The following TBC1D14 variants were observed in gnomAD, a reference collection of about 807,000 sequenced individuals.
TBC1D14 encodes the protein TBC1 domain family member 14.
In TBC1D14, 26 loss-of-function variants were observed where a neutral mutation model predicts 79.0. The ratio of observed to expected loss-of-function variants is 0.33; its 90% confidence interval spans 0.24 to 0.46. The LOEUF is 0.46. TBC1D14 is among the 20% of genes least tolerant of loss of function. The probability of loss-of-function intolerance (pLI) is 1.00; values close to 1 mark genes in which losing one functional copy is unlikely to be tolerated. For synonymous variants in TBC1D14, 394 were observed against 349.9 expected (o/e 1.13, Z -1.40); for missense variants, 769 against 887.6 (o/e 0.87, Z 1.70).
intron 2 of TBC1D14, among the ~76,000 whole-genome samples, chr4:6,944,657 C>G (rs1713252230): frequency 6.6e-6 from 1 of 152,234 alleles, no homozygotes. Context: ...GCTCTGGCCT[C>G]TGGTTCCTGT....
At chr4:6,959,751 C>G (rs1013834554) in intron 2 of TBC1D14, among the ~76,000 whole-genome samples, 1 of 152,206 alleles carries the variant, frequency 6.6e-6, no homozygotes, top group African/African-American at 2.4e-5. Flanking sequence ...AGCAGCGCAT[C>G]ACTGAATACT....
At chr4:6,928,102 C>T (rs1165371267) in intron 2 of TBC1D14, among the ~76,000 whole-genome samples, 1 of 152,214 alleles carries the variant, frequency 6.6e-6, no homozygotes, top group Non-Finnish European at 1.5e-5. Context: ...CCAAGTACAT[C>T]GTCTCTTGTG....
chr4:6,978,635 C>T (rs1717057552), intron 3 of TBC1D14, among the ~76,000 whole-genome samples: 1 of 147,950 alleles, frequency 6.8e-6, no homozygotes, highest in Non-Finnish European at 1.5e-5. Flanking sequence ...CATAGGAAAA[C>T]CAGAGACCTT....
intron 2 of TBC1D14, among the ~76,000 whole-genome samples, chr4:6,944,493 C>T (rs1219788638): frequency 2.0e-5 from 3 of 152,208 alleles, no homozygotes; most frequent in Non-Finnish European, 4.4e-5. Flanking sequence ...TCTCGGGCCC[C>T]TGTCAGCTCT....
intron 3 of TBC1D14, among the ~76,000 whole-genome samples, chr4:6,989,303 C>T (rs569446271): frequency 1.4e-4 from 21 of 152,228 alleles, no homozygotes; most frequent in Admixed American, 1.1e-3. Context: ...TGTCCCAGCA[C>T]CTCTGGGTAA....
intron 12 of TBC1D14, among the ~76,000 whole-genome samples, chr4:7,022,485 G>A (rs866362143): frequency 7.2e-5 from 11 of 152,196 alleles, no homozygotes; most frequent in African/African-American, 2.7e-4. Flanking sequence ...AGGAAACTTG[G>A]TCCAGCCTGA....
At chr4:6,954,149 G>C in intron 2 of TBC1D14, 2 of 628,424 alleles carry the variant, frequency 3.2e-6, no homozygotes, top group Middle Eastern at 4.1e-4. Flanking sequence ...GCTGGGTCCA[G>C]CTTGCCTTCA....
At chr4:6,950,227 C>G (rs1291414720) in intron 2 of TBC1D14, among the ~76,000 whole-genome samples, 2 of 152,196 alleles carry the variant, frequency 1.3e-5, no homozygotes. Flanking sequence ...CGTGTCCCTG[C>G]AAAGGACGTG....
At chr4:6,927,647 G>T (rs192981704) in intron 2 of TBC1D14, among the ~76,000 whole-genome samples, 2 of 152,310 alleles carry the variant, frequency 1.3e-5, no homozygotes, top group Admixed American at 6.5e-5. Context: ...TGGGGTAGAT[G>T]CGTCTTTGTT....
At chr4:6,987,354 G>T in intron 3 of TBC1D14, 1 of 1,424,658 alleles carries the variant, frequency 7.0e-7, no homozygotes, top group East Asian at 3.1e-5. Flanking sequence ...TTCATGGTGA[G>T]TCGGGGTGCG....
chr4:6,988,281 T>G (rs1718091195), intron 3 of TBC1D14, among the ~76,000 whole-genome samples: 1 of 152,242 alleles, frequency 6.6e-6, no homozygotes, highest in Middle Eastern at 3.2e-3. Flanking sequence ...TGGAATGTTG[T>G]GAAGAGTAAT....
intron 3 of TBC1D14, among the ~76,000 whole-genome samples, chr4:6,992,081 TC>T (rs1473486137): frequency 6.6e-6 from 1 of 152,176 alleles, no homozygotes; most frequent in Non-Finnish European, 1.5e-5. Flanking sequence ...TCTCCAGCAC[TC>T]CCTGTGCACC....
chr4:6,953,036 T>C (rs1443024029), intron 2 of TBC1D14, among the ~76,000 whole-genome samples: 18 of 145,330 alleles, frequency 1.2e-4, no homozygotes, highest in African/African-American at 4.6e-4. Context: ...TTTTTTTTTT[T>C]TTTTTCTGAG....
intron 2 of TBC1D14, chr4:6,954,474 C>A: frequency 1.4e-6 from 1 of 695,364 alleles, no homozygotes; most frequent in Non-Finnish European, 2.7e-6. Flanking sequence ...TGGGTCTCCC[C>A]CGGTGTGAAA....
chr4:6,942,397 T>A (rs1299607705), intron 2 of TBC1D14, among the ~76,000 whole-genome samples: 1 of 152,248 alleles, frequency 6.6e-6, no homozygotes, highest in Non-Finnish European at 1.5e-5. Context: ...AGCTGTGGTT[T>A]ATCTCAAGAA....
chr4:7,008,899 G>A (rs1368028535), intron 9 of TBC1D14, among the ~76,000 whole-genome samples: 2 of 152,326 alleles, frequency 1.3e-5, no homozygotes, highest in East Asian at 3.9e-4. Flanking sequence ...AGTCACACTA[G>A]TCCTTAGACT....
At chr4:6,910,169 C>T (rs1722856060) in intron 1 of TBC1D14, 2 of 151,156 alleles carry the variant, frequency 1.3e-5, no homozygotes, top group Non-Finnish European at 3.0e-5. Context: ...TACGGGGCCT[C>T]CGGGGCGGGG....
chr4:7,025,020 A>T lies in TBC1D14; in HGVS notation c.1774A>T (p.Ser592Cys), dbSNP rs760102289. 1.9e-6 allele frequency: 3 copies of T among 1,614,162 alleles called. No homozygotes were observed. Among genetic ancestry groups the T allele is most frequent in the Non-Finnish European group, 1.7e-6 (2 of 1,180,030 alleles). Reference sequence around the variant, plus strand: ...ACCCCCTAGGATCTTTACCTTATATAGTAAATCTCTGCCCCTCGACCTGGC... The same window carrying T: ...ACCCCCTAGGATCTTTACCTTATATTGTAAATCTCTGCCCCTCGACCTGGC... Reference protein sequence around the residue: ...YLIDWIFTLYSKSLPLDLACR... With the variant: ...YLIDWIFTLYCKSLPLDLACR... The change falls in exon 13 of 14, where the codon AGT becomes TGT. Residue 592 changes from serine to cysteine, a missense_variant. Ser to Cys is a moderately radical substitution (Grantham distance 112). This residue lies in a region of TBC1D14 where 367 missense variants were observed against 494.4 expected (regional missense o/e 0.74). Coordinates refer to ENST00000409757, the MANE Select transcript of TBC1D14 (RefSeq NM_020773.3).
intron 3 of TBC1D14, among the ~76,000 whole-genome samples, chr4:6,990,263 A>T (rs1397493478): frequency 6.6e-6 from 1 of 152,190 alleles, no homozygotes; most frequent in Non-Finnish European, 1.5e-5. Context: ...AGCCTGGCCA[A>T]CATGGCAAAA....
Sources: gnomAD v4.1 joint callset for allele counts (sites outside exome capture counted in the v4.1 genomes callset) on GRCh38, gnomAD v4.1.1 for gene constraint, gnomAD v4.1.1 regional missense constraint, MANE v1.5 for transcripts, NCBI Gene and HGNC (gene_info 2026-07-23, HGNC 2026-07-21) for gene names.